The following WBP1L variants were observed in gnomAD, a reference collection of about 807,000 sequenced individuals.
WBP1L encodes the protein WW domain binding protein 1-like.
In WBP1L, 17 loss-of-function variants were observed where a neutral mutation model predicts 33.7. The ratio of observed to expected loss-of-function variants is 0.50; its 90% confidence interval spans 0.34 to 0.76. The LOEUF is 0.76. WBP1L is among the 30% of genes least tolerant of loss of function. WBP1L has a pLI of 0.01. For missense variants in WBP1L, 389 were observed against 469.4 expected (o/e 0.83, Z 1.58); for synonymous variants, 173 against 190.8 (o/e 0.91, Z 0.77).
chr10:102,780,836 G>A (rs780932130), intron 1 of WBP1L, among the ~76,000 whole-genome samples: 2 of 152,192 alleles, frequency 1.3e-5, no homozygotes, highest in Non-Finnish European at 2.9e-5. Flanking sequence ...GGACCAGTGG[G>A]TGGTAAGTTC....
At chr10:102,765,365 T>C (rs1259663160) in intron 1 of WBP1L, among the ~76,000 whole-genome samples, 1 of 152,128 alleles carries the variant, frequency 6.6e-6, no homozygotes, top group East Asian at 1.9e-4. Flanking sequence ...CCCCAGCAAC[T>C]AGGACTACAG....
intron 1 of WBP1L, among the ~76,000 whole-genome samples, chr10:102,759,979 A>G (rs1381279358): frequency 6.6e-6 from 1 of 152,218 alleles, no homozygotes; most frequent in East Asian, 1.9e-4. Context: ...TTACACCCCC[A>G]CCAGCAATGT....
Position 102,812,787 on chromosome 10 carries a change from C to T in WBP1L, c.548C>T (p.Ser183Phe), listed in dbSNP as rs762607950. ...CAGGGGGCACAGAGCAGCCCCTTGT[C>T]TGAGCCCAGCAGAAGCAGCACAAGA... ...GSQGAQSSPL[S>F]EPSRSSTRPP... Residue 183 changes from serine to phenylalanine, a missense_variant, in exon 4 of 4, where the codon TCT becomes TTT. By Grantham distance (155) the Ser-to-Phe change is radical. Coordinates refer to ENST00000448841, the MANE Select transcript of WBP1L (RefSeq NM_001083913.2). The T allele has an allele frequency of 6.3e-5, 102 of 1,607,836 alleles. 1 individual carries two copies. In the Middle Eastern group the frequency reaches 1.3e-3, roughly 21 times the overall value.
Position 102,808,153 on chromosome 10 carries a change from C to G in WBP1L, c.194-1740C>G, listed in dbSNP as rs575240929. Among the ~76,000 whole-genome samples the G allele has an allele frequency of 7.0e-4, 106 of 152,116 alleles. 3 individuals carry two copies. The highest frequency in any genetic ancestry group is 3.5e-3 in the South Asian group (17 of 4,802). On this transcript the variant is annotated intron_variant, in intron 2 of 3. Coordinates refer to ENST00000448841, the MANE Select transcript of WBP1L (RefSeq NM_001083913.2). Reference sequence around the variant, plus strand: ...TGTGATCGCACCACTGTACTCCATCCTGGGTGACAGAGCAAGACCCTGTCT... The same window carrying G: ...TGTGATCGCACCACTGTACTCCATCGTGGGTGACAGAGCAAGACCCTGTCT...
rs1378419027 is a variant in WBP1L at position 102,814,513 on chromosome 10, G to A, written c.*1182G>A. On this transcript the variant is annotated 3_prime_UTR_variant, in exon 4 of 4. Transcript: ENST00000448841. ...TGGGGTTTTTTTTTTTTTTTTGGTG[G>A]CAGTTGTTTGTTTTAAACTGACCAC... The A allele has an allele frequency of 1.3e-5, 2 of 149,742 alleles. No individual in the cohort carries two copies. Among genetic ancestry groups the A allele is most frequent in the Non-Finnish European group, 3.0e-5 (2 of 67,466 alleles). 9.3% of individuals were successfully genotyped at this position (149,742 alleles called of 1,614,324 possible). A position where few individuals can be genotyped will look rare whatever the true frequency, so the allele number is the denominator to read the frequency against.
At position 102,754,625 on chromosome 10, in the gene WBP1L, T is replaced by A. The variant is rs564425742; in HGVS notation, c.90+10482T>A. 1.8e-4 allele frequency among the ~76,000 whole-genome samples: 27 copies of A among 152,204 alleles called. No homozygotes were observed. In the South Asian group the frequency reaches 5.4e-3, roughly 30 times the overall value. ...GTTGGCCAGGCTGGTCTCGAACTCC[T>A]GACGTAATCCACCTGCCTCGACCTC... is the stretch of plus-strand genomic sequence containing the variant. On this transcript the variant is annotated intron_variant, in intron 1 of 3. Coordinates refer to ENST00000448841, the MANE Select transcript of WBP1L (RefSeq NM_001083913.2).
At chr10:102,790,919 T>G (rs753069037) in intron 1 of WBP1L, among the ~76,000 whole-genome samples, 2 of 152,168 alleles carry the variant, frequency 1.3e-5, no homozygotes, top group Non-Finnish European at 2.9e-5. Context: ...GGGACTACTT[T>G]TTGTGTTAAA....
At chr10:102,799,306 A>G (rs932834307) in intron 2 of WBP1L, among the ~76,000 whole-genome samples, 13 of 152,112 alleles carry the variant, frequency 8.5e-5, no homozygotes, top group African/African-American at 2.2e-4. Context: ...AGCCTGGGCA[A>G]CAGAGCGAGG....
At chr10:102,792,560 G>C (rs566699701) in intron 1 of WBP1L, among the ~76,000 whole-genome samples, 6 of 144,086 alleles carry the variant, frequency 4.2e-5, no homozygotes, top group Middle Eastern at 3.7e-3. Context: ...GTTCTTCCCT[G>C]TCCTCTTCCT....
chr10:102,753,292 G>T (rs11191385), intron 1 of WBP1L, among the ~76,000 whole-genome samples: 34,774 of 152,104 alleles, frequency 0.23, 4,986 homozygotes, highest in Non-Finnish European at 0.33. Context: ...ACAGGCTGAG[G>T]TCTGGTCTGT....
At chr10:102,744,425 TG>T in intron 1 of WBP1L, 1 of 985,222 alleles carries the variant, frequency 1.0e-6, no homozygotes, top group Non-Finnish European at 1.2e-6. Flanking sequence ...TGGATAGCGG[TG>T]CCAAGCTGAG....
intron 1 of WBP1L, among the ~76,000 whole-genome samples, chr10:102,771,293 G>A (rs12266856): frequency 0.25 from 37,805 of 152,010 alleles, 4,921 homozygotes; most frequent in Middle Eastern, 0.36. Context: ...ACAGTGGTTC[G>A]TGCCTGTGAT....
At chr10:102,812,380 C>T (rs1843855956) in intron 3 of WBP1L, among the ~76,000 whole-genome samples, 1 of 152,172 alleles carries the variant, frequency 6.6e-6, no homozygotes, top group African/African-American at 2.4e-5. Flanking sequence ...TCTCAGATTT[C>T]AAGAAGCTAG....
At chr10:102,769,056 C>T (rs1205366766) in intron 1 of WBP1L, among the ~76,000 whole-genome samples, 1 of 152,178 alleles carries the variant, frequency 6.6e-6, no homozygotes, top group Non-Finnish European at 1.5e-5. Flanking sequence ...ATAATCACAG[C>T]TCACTACAAC....
Position 102,744,148 on chromosome 10 carries a change from G to C in WBP1L, c.90+5G>C, listed in dbSNP as rs771754799. On this transcript the variant is annotated splice_donor_5th_base_variant and intron_variant, in intron 1 of 3. Transcript: ENST00000448841. The stretch of plus-strand genomic sequence containing the variant: ...GCCAGGGCTGAACCCCCGCAGGTAA[G>C]GGGGAGGGGGCGTCTGGGCCATGTT... The C allele has an allele frequency of 6.5e-7, 1 of 1,547,816 alleles. No individual in the cohort carries two copies. Among genetic ancestry groups the C allele is most frequent in the Non-Finnish European group, 8.7e-7 (1 of 1,145,126 alleles).
chr10:102,800,203 T>C (rs1256991140), intron 2 of WBP1L, among the ~76,000 whole-genome samples: 1 of 152,216 alleles, frequency 6.6e-6, no homozygotes, highest in Non-Finnish European at 1.5e-5. Context: ...TCCCACCCTT[T>C]GTTAAAACAA....
intron 1 of WBP1L, among the ~76,000 whole-genome samples, chr10:102,759,024 G>C (rs1843008766): frequency 6.6e-6 from 1 of 152,220 alleles, no homozygotes; most frequent in Non-Finnish European, 1.5e-5. Flanking sequence ...CAAGGAGCGT[G>C]ACCACTGAAG....
At chr10:102,745,022 G>A (rs1273544512) in intron 1 of WBP1L, among the ~76,000 whole-genome samples, 3 of 152,144 alleles carry the variant, frequency 2.0e-5, no homozygotes, top group African/African-American at 7.2e-5. Flanking sequence ...GTGCAGTGGG[G>A]GCAATCACCC....
At chr10:102,754,399 C>A (rs187071952) in intron 1 of WBP1L, among the ~76,000 whole-genome samples, 1 of 152,230 alleles carries the variant, frequency 6.6e-6, no homozygotes, top group African/African-American at 2.4e-5. Flanking sequence ...CTTTAAAATA[C>A]CTTTCACCTT....
Sources: allele counts gnomAD v4.1 joint callset (sites outside exome capture counted in the v4.1 genomes callset), GRCh38; gene constraint gnomAD v4.1.1; transcripts MANE v1.5; gene names NCBI Gene and HGNC (gene_info 2026-07-23, HGNC 2026-07-21).